The following LCOR variants were observed in gnomAD, a reference collection of about 807,000 sequenced individuals.
LCOR encodes ligand-dependent corepressor.
A neutral mutation model predicts 64.4 loss-of-function variants in LCOR; 14 were observed. The observed-to-expected ratio is 0.22, with a 90% confidence interval of 0.14 to 0.34. LCOR has a LOEUF of 0.34. Among genes scored for constraint, LCOR ranks in the 10% least tolerant of loss-of-function variants. The pLI, the probability that LCOR is intolerant of heterozygous loss-of-function variation, is 1.00. For synonymous variants in LCOR, 643 were observed against 642.5 expected, an observed-to-expected ratio of 1.00 and a Z score of -0.01; for missense variants, 1,686 against 1,765.3, an observed-to-expected ratio of 0.96 and a Z score of 0.80.
intron 2 of LCOR, among the ~76,000 whole-genome samples, chr10:96,873,791 A>G (rs775193536): frequency 7.9e-5 from 12 of 151,984 alleles, no homozygotes; most frequent in Admixed American, 2.0e-4. Flanking sequence ...TTTAGTAGAG[A>G]TGGGGTTTCA....
intron 5 of LCOR, among the ~76,000 whole-genome samples, chr10:96,947,284 A>G (rs1847605134): frequency 6.6e-6 from 1 of 152,088 alleles, no homozygotes; most frequent in Non-Finnish European, 1.5e-5. Flanking sequence ...TATTACTAGT[A>G]GAGTAAGCCT....
chr10:96,958,322 A>G, intron 7 of LCOR: 1 of 1,527,384 alleles, frequency 6.5e-7, no homozygotes, highest in African/African-American at 1.4e-5. Context: ...TATATAAGTG[A>G]TGTATGAGTT....
rs1848195896 is a variant in LCOR at position 96,991,020 on chromosome 10, T to C, written c.*5886T>C. ...TTTTTTACCCTTTTTTAAAGGGTTA[T>C]GTAAAAAAAAAAAAAAAAAAAAAAA... is the stretch of plus-strand genomic sequence containing the variant. On this transcript the variant is annotated 3_prime_UTR_variant, in exon 8 of 8. Coordinates refer to ENST00000421806, the MANE Select transcript of LCOR (RefSeq NM_001346516.2). The C allele has an allele frequency of 1.6e-5, 2 of 127,894 alleles. No individual in the cohort carries two copies. Among genetic ancestry groups the C allele is most frequent in the African/African-American group, 3.1e-5 (1 of 31,838 alleles). 7.9% of individuals were successfully genotyped at this position (127,894 alleles called of 1,614,324 possible). A position where few individuals can be genotyped will look rare whatever the true frequency, so the allele number is the denominator to read the frequency against.
chr10:96,855,675 A>G (rs1014464833), intron 2 of LCOR, among the ~76,000 whole-genome samples: 2 of 151,950 alleles, frequency 1.3e-5, no homozygotes, highest in African/African-American at 4.8e-5. Context: ...AATTTAGGTA[A>G]TCCACCTGCC....
chr10:96,973,012 C>A (rs1163297765), intron 7 of LCOR, among the ~76,000 whole-genome samples: 1 of 152,138 alleles, frequency 6.6e-6, no homozygotes, highest in Non-Finnish European at 1.5e-5. Context: ...TGAAGAGATA[C>A]ATCCTGGTTT....
intron 2 of LCOR, among the ~76,000 whole-genome samples, chr10:96,838,958 C>T (rs768658245): frequency 5.3e-5 from 8 of 152,072 alleles, no homozygotes; most frequent in Non-Finnish European, 8.8e-5. Flanking sequence ...ATGACAGTTC[C>T]GTTTATCCAC....
chr10:96,879,234 A>G (rs1846220491), intron 2 of LCOR, among the ~76,000 whole-genome samples: 1 of 152,250 alleles, frequency 6.6e-6, no homozygotes, highest in Middle Eastern at 3.2e-3. Context: ...CAGATGAAGC[A>G]CAAAGAAATT....
chr10:96,851,383 G>A (rs907554914), intron 2 of LCOR, among the ~76,000 whole-genome samples: 8 of 152,232 alleles, frequency 5.3e-5, no homozygotes, highest in Non-Finnish European at 8.8e-5. Flanking sequence ...ACTAGCAGCA[G>A]TGAACAGAGA....
chr10:96,855,426 T>TTTTG (rs147989221), intron 2 of LCOR, among the ~76,000 whole-genome samples: 205 of 151,800 alleles, frequency 1.4e-3, no homozygotes, highest in African/African-American at 4.0e-3. Context: ...TTTTTTTGTT[T>TTTTG]TTTGTTTGTT....
rs1162126985 is a variant in LCOR, at chr10:96,832,358, A to T, written c.-445A>T. 1.0e-6 allele frequency: 1 copy of T among 984,780 alleles called. No individual in the cohort carries two copies. The highest frequency in any genetic ancestry group is 1.2e-6 in the Non-Finnish European group (1 of 829,678). 61.0% of individuals were successfully genotyped at this position (984,780 alleles called of 1,614,324 possible). A position where few individuals can be genotyped will look rare whatever the true frequency, so the allele number is the denominator to read the frequency against. On this transcript the variant is annotated 5_prime_UTR_variant, in exon 1 of 8. Coordinates refer to ENST00000421806, the MANE Select transcript of LCOR (RefSeq NM_001346516.2). ...TCCGTTGAGAGACGCGGCTTTCGGC[A>T]AGAACTGGATTCGTGGCGCCACAAG...
intron 4 of LCOR, among the ~76,000 whole-genome samples, chr10:96,938,659 T>C (rs756969149): frequency 6.6e-6 from 1 of 152,072 alleles, no homozygotes; most frequent in Non-Finnish European, 1.5e-5. Flanking sequence ...CAAAACACTA[T>C]TAGAGTTTAA....
At chr10:96,834,835 C>G (rs897504663) in intron 2 of LCOR, among the ~76,000 whole-genome samples, 4 of 152,150 alleles carry the variant, frequency 2.6e-5, no homozygotes, top group African/African-American at 9.7e-5. Context: ...CCCATTTTTT[C>G]AGTCATTGCT....
At chr10:96,915,744 T>G (rs1846930521) in intron 4 of LCOR, 1 of 647,514 alleles carries the variant, frequency 1.5e-6, no homozygotes, top group African/African-American at 1.8e-5. Context: ...TTTTTCCCTT[T>G]GGGTACCTTC....
At chr10:96,944,955 T>C (rs1361721341) in intron 5 of LCOR, among the ~76,000 whole-genome samples, 3 of 152,190 alleles carry the variant, frequency 2.0e-5, no homozygotes, top group Non-Finnish European at 4.4e-5. Flanking sequence ...ATAATTACCA[T>C]CAGCCAGAAC....
At position 96,962,308 on chromosome 10, in the gene LCOR, G is replaced by C. The variant is rs1847894271; in HGVS notation, c.332+10112G>C. 3.3e-5 allele frequency: 5 copies of C among 152,144 alleles called. No homozygotes were observed. In the South Asian group the frequency reaches 1.0e-3, roughly 31 times the overall value. The allele number at this position is 152,144 out of a possible 1,614,324, so 9.4% of individuals were successfully genotyped here. ...ACCATTTTAGAAAAATAAATCACTA[G>C]GAAAATAGGTAGGGATTCTCTCCCC... On this transcript the variant is annotated intron_variant, in intron 7 of 7. Coordinates refer to ENST00000421806, the MANE Select transcript of LCOR (RefSeq NM_001346516.2).
chr10:96,870,302 C>T (rs1846051567), intron 2 of LCOR, among the ~76,000 whole-genome samples: 1 of 152,198 alleles, frequency 6.6e-6, no homozygotes, highest in South Asian at 2.1e-4. Context: ...TGAGCCACCG[C>T]ACCCGGCCCT....
At chr10:96,836,468 A>C (rs1448213742) in intron 2 of LCOR, among the ~76,000 whole-genome samples, 1 of 152,162 alleles carries the variant, frequency 6.6e-6, no homozygotes, top group Non-Finnish European at 1.5e-5. Context: ...TTAGGTGTTT[A>C]CTTCATTTAA....
At chr10:96,902,090 A>G (rs564221162) in intron 2 of LCOR, among the ~76,000 whole-genome samples, 1 of 151,990 alleles carries the variant, frequency 6.6e-6, no homozygotes, top group South Asian at 2.1e-4. Flanking sequence ...CCTCCCCCCA[A>G]GCATTTGTTC....
intron 2 of LCOR, among the ~76,000 whole-genome samples, chr10:96,888,356 T>C (rs1268589996): frequency 1.2e-4 from 7 of 59,612 alleles, no homozygotes; most frequent in Admixed American, 3.0e-4. Context: ...AGAGCAAGAC[T>C]CCGTCTCAAA....
Sources: gnomAD v4.1 joint callset for allele counts (sites outside exome capture counted in the v4.1 genomes callset) on GRCh38, gnomAD v4.1.1 for gene constraint, MANE v1.5 for transcripts, NCBI Gene and HGNC (gene_info 2026-07-23, HGNC 2026-07-21) for gene names.